ARHGEF26: variants seen among roughly 807,000 people sequenced by gnomAD.
ARHGEF26 encodes Rho guanine nucleotide exchange factor (GEF) 26.
Under a neutral mutation model 89.4 loss-of-function variants are expected in ARHGEF26, and 59 were observed. The observed-to-expected ratio is 0.66, with a 90% CI of 0.54 to 0.82. The LOEUF is 0.82. Among genes scored for constraint, ARHGEF26 ranks in the 40% least tolerant of loss-of-function variants. The pLI, the probability that ARHGEF26 is intolerant of heterozygous loss-of-function variation, is 0.00. For missense variants in ARHGEF26, 1,234 were observed against 1,085.6 expected, an observed-to-expected ratio of 1.14 and a Z score of -1.92; for synonymous variants, 500 against 428.4, an observed-to-expected ratio of 1.17 and a Z score of -2.06.
Position 154,253,119 on chromosome 3 carries a change from C to G in ARHGEF26, c.2304C>G (p.Ser768Arg), listed in dbSNP as rs775359695. The stretch of plus-strand genomic sequence containing the variant: ...TTGGATCTGCCCTCTGTTTTAGGAG[C>G]GAGCGAGCCCGCTGGATAACTGCCC... ...VEMLLGAETQ[S>R]ERARWITALG... The change falls in exon 13 of 15, where the codon AGC (serine) becomes AGG (arginine). Residue 768 changes from serine to arginine, a missense_variant. Physicochemically the swap from Ser to Arg is moderately radical, Grantham distance 110 (BLOSUM62 -1). Transcript: ENST00000465093. The G allele has an allele frequency of 6.2e-7, 1 of 1,613,940 alleles. No homozygotes were observed. Among genetic ancestry groups the G allele is most frequent in the South Asian group, 1.1e-5 (1 of 91,078 alleles).
At position 154,121,534 on chromosome 3, in the gene ARHGEF26, G is replaced by T. The variant is rs559397686; in HGVS notation, c.-52+15G>T. 51 of 162,094 alleles carry T rather than the reference G, an allele frequency of 3.1e-4. 1 individual carries two copies. The South Asian group carries it at 4.4e-3, about 14-fold the overall frequency. 10.0% of individuals were successfully genotyped at this position (162,094 alleles called of 1,614,324 possible). A position where few individuals can be genotyped will look rare whatever the true frequency, so the allele number is the denominator to read the frequency against. ...AGCCCCAGAAGGTAAATTTGCGTGG[G>T]AGCCGCGCACCTGGAGCGCGAGGGT... is the stretch of plus-strand genomic sequence containing the variant. On this transcript the variant is annotated intron_variant, in intron 1 of 14. Coordinates refer to ENST00000465093, the MANE Select transcript of ARHGEF26 (RefSeq NM_015595.4).
intron 4 of ARHGEF26, among the ~76,000 whole-genome samples, chr3:154,133,077 A>G (rs1718785549): frequency 6.6e-6 from 1 of 152,176 alleles, no homozygotes; most frequent in African/African-American, 2.4e-5. Context: ...TGGGATGGTG[A>G]AACTATCCTT....
At chr3:154,182,131 C>T (rs242576) in intron 6 of ARHGEF26, among the ~76,000 whole-genome samples, 51,438 of 151,420 alleles carry the variant, frequency 0.34, 10,777 homozygotes, top group Non-Finnish European at 0.47. Flanking sequence ...GACATGGCCC[C>T]ATCCTCTAAA....
chr3:154,122,651 T>C lies in ARHGEF26; in HGVS notation c.659T>C (p.Leu220Pro). ...SSEQKLPLQR[L>P]PSQENELLEN... is the part of the protein sequence containing the mutation. ...GAACAAAAACTCCCCCTCCAAAGGC[T>C]GCCCTCCCAGGAGAACGAGCTCCTC... Residue 220 changes from leucine (L) to proline (P), a missense_variant, in exon 2 of 15, where the codon CTG (leucine) becomes CCG (proline). Physicochemically the swap from Leu to Pro is moderately conservative, Grantham distance 98. Coordinates refer to ENST00000465093, the MANE Select transcript of ARHGEF26 (RefSeq NM_015595.4). 1 of 1,613,898 alleles carries C rather than the reference T, an allele frequency of 6.2e-7. No homozygotes were observed. The highest frequency in any genetic ancestry group is 8.5e-7 in the Non-Finnish European group (1 of 1,179,892).
In ARHGEF26 at chr3:154,256,149, TA is replaced by T. The variant is rs1718491362; in HGVS notation, c.*677del. On this transcript the variant is annotated 3_prime_UTR_variant, in exon 15 of 15. Transcript: ENST00000465093. ...TCACCCCATATTGTTCTTAAATAAG[TA>T]TAGACTAATTAACCTAAGCTACCTT... 1 of 985,300 alleles carries T rather than the reference TA, an allele frequency of 1.0e-6. No individual in the cohort carries two copies. The highest frequency in any genetic ancestry group is 1.2e-6 in the Non-Finnish European group (1 of 829,588). 61.0% of individuals were successfully genotyped at this position (985,300 alleles called of 1,614,324 possible).
chr3:154,206,638 C>G (rs1715036131), intron 9 of ARHGEF26, among the ~76,000 whole-genome samples: 1 of 152,152 alleles, frequency 6.6e-6, no homozygotes, highest in Admixed American at 6.5e-5. Context: ...GAAAAACATT[C>G]CATGCTCATG....
rs554372193 is a variant in ARHGEF26, at chr3:154,147,970, T to C, written c.1270-1419T>C. Among the ~76,000 whole-genome samples the C allele has an allele frequency of 1.3e-5, 2 of 152,302 alleles. 1 individual carries two copies. Among genetic ancestry groups the C allele is most frequent in the African/African-American group, 4.8e-5 (2 of 41,550 alleles). ...GGTTTCATCTCTCCACCTTGATCAG[T>C]CTCTGAAATCTTCTTGCCTGTTCAT... On this transcript the variant is annotated intron_variant, in intron 4 of 14. Transcript: ENST00000465093.
intron 6 of ARHGEF26, among the ~76,000 whole-genome samples, chr3:154,168,348 G>A (rs1712184871): frequency 2.6e-5 from 4 of 152,076 alleles, no homozygotes; most frequent in Admixed American, 2.6e-4. Context: ...AGGTGGGGGT[G>A]GGTGGATTGC....
chr3:154,218,177 CT>C (rs113879982), intron 10 of ARHGEF26, among the ~76,000 whole-genome samples: 126 of 149,224 alleles, frequency 8.4e-4, no homozygotes, highest in Middle Eastern at 3.4e-3. Context: ...CTAAGAAGCA[CT>C]TTTTTTTTTC....
intron 11 of ARHGEF26, among the ~76,000 whole-genome samples, chr3:154,228,592 G>A (rs986846256): frequency 6.6e-6 from 1 of 151,690 alleles, no homozygotes; most frequent in Non-Finnish European, 1.5e-5. Context: ...TATTTCTAGG[G>A]TGTTCTTAGG....
In ARHGEF26 at chr3:154,212,321, G is replaced by A. The variant is rs985359977; in HGVS notation, c.1846-5548G>A. On this transcript the variant is annotated intron_variant, in intron 9 of 14. Coordinates refer to ENST00000465093, the MANE Select transcript of ARHGEF26 (RefSeq NM_015595.4). ...CACACCACTGTACTACAACCTGGGC[G>A]ACAGAGCAAGACCCTGTCTCAAAAA... is the stretch of plus-strand genomic sequence containing the variant. 3.6e-5 allele frequency among the ~76,000 whole-genome samples: 5 copies of A among 139,496 alleles called. No individual in the cohort carries two copies. In the Admixed American group the frequency reaches 3.8e-4, roughly 11 times the overall value. The allele number at this position is 139,496 out of a possible 152,430, so 91.5% of individuals were successfully genotyped here. A position where few individuals can be genotyped will look rare whatever the true frequency, so the allele number is the denominator to read the frequency against.
intron 8 of ARHGEF26, among the ~76,000 whole-genome samples, chr3:154,193,453 C>T (rs1181850875): frequency 6.6e-6 from 1 of 152,142 alleles, no homozygotes; most frequent in African/African-American, 2.4e-5. Context: ...GATGGCTTGG[C>T]TTGGTGCTTC....
chr3:154,206,692 G>T (rs1715038561), intron 9 of ARHGEF26, among the ~76,000 whole-genome samples: 1 of 152,104 alleles, frequency 6.6e-6, no homozygotes, highest in South Asian at 2.1e-4. Flanking sequence ...ACTGCCCAAA[G>T]CAATTTATAG....
intron 4 of ARHGEF26, among the ~76,000 whole-genome samples, chr3:154,145,620 T>C (rs573814782): frequency 1.1e-4 from 17 of 152,192 alleles, no homozygotes; most frequent in Admixed American, 3.3e-4. Context: ...TGGGCAAAAA[T>C]AGAAGGAATG....
chr3:154,171,117 A>G (rs1712407627), intron 6 of ARHGEF26, among the ~76,000 whole-genome samples: 2 of 152,168 alleles, frequency 1.3e-5, no homozygotes, highest in African/African-American at 4.8e-5. Flanking sequence ...GTGGTCTAGA[A>G]TCTGGTTCTG....
At chr3:154,158,320 C>T (rs890926910) in intron 6 of ARHGEF26, among the ~76,000 whole-genome samples, 9 of 152,188 alleles carry the variant, frequency 5.9e-5, no homozygotes, top group African/African-American at 2.2e-4. Flanking sequence ...GGGTTTGCCT[C>T]TCTTATTAAC....
rs1436857574 is a variant in ARHGEF26, at chr3:154,154,534, A to G, written c.1487+1602A>G. 2.6e-5 allele frequency among the ~76,000 whole-genome samples: 4 copies of G among 151,642 alleles called. 1 individual carries two copies. The highest frequency in any genetic ancestry group is 2.9e-5 in the Non-Finnish European group (2 of 67,804). On this transcript the variant is annotated intron_variant, in intron 6 of 14. Coordinates refer to ENST00000465093, the MANE Select transcript of ARHGEF26 (RefSeq NM_015595.4). The stretch of plus-strand genomic sequence containing the variant: ...GCTTAAAACATAAAGAAGAAAGTCT[A>G]GTTTCTATTCTTGTCCCCTCTATCC...
intron 9 of ARHGEF26, among the ~76,000 whole-genome samples, chr3:154,206,786 G>A (rs192001605): frequency 2.4e-4 from 37 of 152,146 alleles, no homozygotes; most frequent in African/African-American, 7.7e-4. Context: ...TGGAACAAAC[G>A]AAGAGCATAA....
intron 11 of ARHGEF26, 89 bp from the exon 12 acceptor site, chr3:154,240,281 G>A: frequency 2.2e-6 from 2 of 920,054 alleles, no homozygotes; most frequent in Non-Finnish European, 3.3e-6. Context: ...CCCACTCCTT[G>A]CTGTTTCCAC....
Sources: gnomAD v4.1 joint callset for allele counts (sites outside exome capture counted in the v4.1 genomes callset) on GRCh38, gnomAD v4.1.1 for gene constraint, MANE v1.5 for transcripts, NCBI Gene and HGNC (gene_info 2026-07-23, HGNC 2026-07-21) for gene names.